Variants in PHF20 observed in about 807,000 individuals in gnomAD.
PHF20 encodes glioma-expressed antigen 2.
PHF20 carries 23 observed loss-of-function variants against 113.5 expected under a neutral mutation model. The ratio of observed to expected loss-of-function variants is 0.20; its 90% CI spans 0.15 to 0.29. The LOEUF (loss-of-function observed/expected upper bound fraction) is 0.29, where lower values mean the gene tolerates loss of function less well. PHF20 is among the 10% of genes least tolerant of loss of function. The probability of loss-of-function intolerance (pLI) is 1.00; values close to 1 mark genes in which losing one functional copy is unlikely to be tolerated. For missense variants in PHF20, 943 were observed against 1,219.6 expected (o/e 0.77, Z 3.38); for synonymous variants, 434 against 457.3 (o/e 0.95, Z 0.65).
At chr20:35,845,170 T>C (rs1054777024) in intron 3 of PHF20, among the ~76,000 whole-genome samples, 1 of 152,030 alleles carries the variant, frequency 6.6e-6, no homozygotes, top group African/African-American at 2.4e-5. Flanking sequence ...TTACTTCAAT[T>C]AGCATATCTT....
intron 2 of PHF20, among the ~76,000 whole-genome samples, chr20:35,805,829 A>G (rs2041869499): frequency 6.6e-6 from 1 of 151,730 alleles, no homozygotes; most frequent in Non-Finnish European, 1.5e-5. Flanking sequence ...ATTTAACCTT[A>G]ATACATGCAT....
chr20:35,808,267 G>A (rs970325586), intron 2 of PHF20, among the ~76,000 whole-genome samples: 12 of 148,852 alleles, frequency 8.1e-5, no homozygotes, highest in African/African-American at 2.5e-4. Context: ...TTTCCTTCCC[G>A]TTTTCCCTTC....
chr20:35,895,843 G>T (rs768549294), intron 9 of PHF20, among the ~76,000 whole-genome samples: 1 of 151,668 alleles, frequency 6.6e-6, no homozygotes, highest in South Asian at 2.1e-4. Flanking sequence ...ATGCCACCAC[G>T]CCCAGCTAAT....
At chr20:35,882,625 G>C (rs1340498727) in intron 9 of PHF20, among the ~76,000 whole-genome samples, 1 of 152,182 alleles carries the variant, frequency 6.6e-6, no homozygotes, top group Non-Finnish European at 1.5e-5. Flanking sequence ...ACAGGGTCTA[G>C]ATATATTGAC....
chr20:35,823,753 C>T (rs2042216092), intron 2 of PHF20, among the ~76,000 whole-genome samples: 1 of 152,032 alleles, frequency 6.6e-6, no homozygotes, highest in Non-Finnish European at 1.5e-5. Context: ...CCTCCAGCTC[C>T]TGTCACCCAC....
At chr20:35,878,105 G>A (rs1472686651) in intron 9 of PHF20, among the ~76,000 whole-genome samples, 1 of 152,172 alleles carries the variant, frequency 6.6e-6, no homozygotes, top group Non-Finnish European at 1.5e-5. Flanking sequence ...GAGAGTCATA[G>A]ATCTACAGCC....
intron 1 of PHF20, among the ~76,000 whole-genome samples, chr20:35,789,025 G>C (rs1246592385): frequency 2.6e-5 from 4 of 152,170 alleles, no homozygotes; most frequent in African/African-American, 9.7e-5. Flanking sequence ...GTGGCCCAGA[G>C]GGTAGGTTAG....
At chr20:35,927,242 C>T (rs1326578659) in intron 13 of PHF20, among the ~76,000 whole-genome samples, 1 of 152,208 alleles carries the variant, frequency 6.6e-6, no homozygotes, top group Non-Finnish European at 1.5e-5. Context: ...AAAGTACTAA[C>T]CCATGATTAC....
At chr20:35,933,321 C>G (rs1021987649) in intron 15 of PHF20, among the ~76,000 whole-genome samples, 1 of 151,846 alleles carries the variant, frequency 6.6e-6, no homozygotes, top group African/African-American at 2.4e-5. Context: ...CTACCTCCAC[C>G]TCCTGGGTTC....
At chr20:35,893,758 G>A (rs753597555) in intron 9 of PHF20, among the ~76,000 whole-genome samples, 5 of 152,054 alleles carry the variant, frequency 3.3e-5, no homozygotes, top group Non-Finnish European at 5.9e-5. Flanking sequence ...GGGATTACAG[G>A]CACCTGCCAC....
intron 1 of PHF20, among the ~76,000 whole-genome samples, chr20:35,784,778 C>T (rs937873850): frequency 8.6e-5 from 13 of 151,830 alleles, no homozygotes; most frequent in South Asian, 4.2e-4. Context: ...GGGCCGGGTG[C>T]GGTGGCTCAC....
chr20:35,941,041 T>C lies in PHF20; in HGVS notation c.2890T>C (p.Leu964=). The C allele has an allele frequency of 1.9e-6, 3 of 1,612,398 alleles. No individual in the cohort carries two copies. The highest frequency in any genetic ancestry group is 1.7e-6 in the Non-Finnish European group (2 of 1,178,966). The change falls in exon 17 of 18, where the codon TTG becomes CTG. Residue 964 remains leucine, a synonymous_variant. Transcript: ENST00000374012. Reference sequence around the variant, plus strand: ...CAGGATGGACTCCATTGAGAAGGAGTTGGATGGTAGGGCTCCTTCATTGGC... The same window carrying C: ...CAGGATGGACTCCATTGAGAAGGAGCTGGATGGTAGGGCTCCTTCATTGGC... ...THRMDSIEKE[L]DVLESWLDYT... is the part of the protein sequence containing the mutation.
At chr20:35,878,856 T>G (rs1223754450) in intron 9 of PHF20, 2 of 459,744 alleles carry the variant, frequency 4.4e-6, no homozygotes, top group South Asian at 4.5e-5. Flanking sequence ...TAACACGGCA[T>G]TTTGAATATT....
chr20:35,947,563 G>T lies in PHF20; in HGVS notation c.2975G>T (p.Cys992Phe), dbSNP rs145485767. ...GCCAGGCTTCCGCAGCTCAAGCATTGTATCAAGCAGCTGCTGATGGACCTG... is the reference window on the plus strand; with the variant it reads ...GCCAGGCTTCCGCAGCTCAAGCATTTTATCAAGCAGCTGCTGATGGACCTG... ...PLARLPQLKH[C>F]IKQLLMDLGK... The change falls in exon 18 of 18, where the codon TGT (cysteine) becomes TTT (phenylalanine). Residue 992 changes from cysteine (C) to phenylalanine (F), a missense_variant. Physicochemically the swap from Cys to Phe is radical, Grantham distance 205. Transcript: ENST00000374012. 1 of 1,613,962 alleles carries T rather than the reference G, an allele frequency of 6.2e-7. No individual in the cohort carries two copies. Among genetic ancestry groups the T allele is most frequent in the African/African-American group, 1.3e-5 (1 of 74,926 alleles).
intron 10 of PHF20, among the ~76,000 whole-genome samples, chr20:35,912,974 T>C (rs977041906): frequency 2.0e-5 from 3 of 152,244 alleles, no homozygotes; most frequent in African/African-American, 7.2e-5. Flanking sequence ...TCCTCACTTT[T>C]CAGCTCTGCT....
intron 2 of PHF20, among the ~76,000 whole-genome samples, chr20:35,829,481 G>T (rs1321243864): frequency 6.8e-6 from 1 of 147,756 alleles, no homozygotes; most frequent in African/African-American, 2.7e-5. Context: ...GAGTAGCTGG[G>T]ATTATAGGCT....
intron 9 of PHF20, among the ~76,000 whole-genome samples, chr20:35,877,731 T>C (rs2054557681): frequency 6.6e-6 from 1 of 152,154 alleles, no homozygotes; most frequent in African/African-American, 2.4e-5. Context: ...CATTGGTTGA[T>C]ACTCTACAAG....
intron 2 of PHF20, among the ~76,000 whole-genome samples, chr20:35,841,417 T>C (rs1200154040): frequency 6.6e-6 from 1 of 151,992 alleles, no homozygotes; most frequent in Non-Finnish European, 1.5e-5. Context: ...CATATAACTG[T>C]ATATCTTAGA....
intron 2 of PHF20, among the ~76,000 whole-genome samples, chr20:35,809,440 A>G (rs992886119): frequency 2.6e-5 from 4 of 151,542 alleles, no homozygotes; most frequent in Admixed American, 2.0e-4. Flanking sequence ...TCAGTCAGAC[A>G]TGGTGGTGTG....
Sources: allele counts gnomAD v4.1 joint callset (sites outside exome capture counted in the v4.1 genomes callset), GRCh38; gene constraint gnomAD v4.1.1; transcripts MANE v1.5; gene names NCBI Gene and HGNC (gene_info 2026-07-23, HGNC 2026-07-21).